Variants in ABCA12 observed in about 807,000 individuals in gnomAD.
The protein encoded by ABCA12 is ATP binding cassette subfamily A member 12.
A neutral mutation model predicts 293.5 loss-of-function variants in ABCA12; 156 were observed. The observed-to-expected ratio is 0.53, with a 90% confidence interval of 0.47 to 0.61. The LOEUF is 0.61. Ranked by LOEUF, ABCA12 falls within the 20% of genes least tolerant of loss-of-function variation. The probability of loss-of-function intolerance (pLI) is 0.00; values close to 1 mark genes in which losing one functional copy is unlikely to be tolerated. For synonymous variants in ABCA12, 1,063 were observed against 1,108.0 expected (o/e 0.96, Z 0.81); for missense variants, 2,797 against 3,090.2 (o/e 0.91, Z 2.25).
At chr2:215,129,394 C>T (rs930283896) in intron 1 of ABCA12, among the ~76,000 whole-genome samples, 5 of 152,126 alleles carry the variant, frequency 3.3e-5, no homozygotes, top group Non-Finnish European at 7.4e-5. Flanking sequence ...CCGCGGGCTC[C>T]ACTCTGACTT....
At chr2:214,934,748 A>G (rs1414579889) in intron 51 of ABCA12, among the ~76,000 whole-genome samples, 2 of 152,142 alleles carry the variant, frequency 1.3e-5, no homozygotes, top group African/African-American at 2.4e-5. Context: ...CAGTATCACC[A>G]TCTACTTAGT....
At chr2:214,972,337 T>C (rs1012469705) in intron 36 of ABCA12, among the ~76,000 whole-genome samples, 4 of 152,282 alleles carry the variant, frequency 2.6e-5, no homozygotes, top group East Asian at 1.9e-4. Flanking sequence ...TAGTTGGAAA[T>C]AGATTTAGGG....
rs537967870 is a variant in ABCA12, at chr2:215,116,192, T to G, written c.70-4502A>C. The stretch of plus-strand genomic sequence containing the variant: ...GTATGTGTATTATTTATTTTTTACT[T>G]TCTGGTTCCACAATTTGTTTCTGCC... On this transcript the variant is annotated intron_variant, in intron 1 of 52. Transcript: ENST00000272895. 2.0e-5 allele frequency among the ~76,000 whole-genome samples: 3 copies of G among 152,334 alleles called. No individual in the cohort carries two copies. In the South Asian group the frequency reaches 6.2e-4, roughly 32 times the overall value.
At chr2:215,120,453 T>C (rs1702782684) in intron 1 of ABCA12, among the ~76,000 whole-genome samples, 1 of 151,944 alleles carries the variant, frequency 6.6e-6, no homozygotes, top group Non-Finnish European at 1.5e-5. Flanking sequence ...AAGTAAAGAA[T>C]GCAAGAGAAA....
chr2:215,137,855 A>G (rs761479636), intron 1 of ABCA12, among the ~76,000 whole-genome samples: 36 of 151,064 alleles, frequency 2.4e-4, no homozygotes, highest in African/African-American at 5.3e-4. Context: ...CCAGAATTCA[A>G]CGTTCCAGTT....
At chr2:215,069,965 A>G (rs1701705281) in intron 2 of ABCA12, among the ~76,000 whole-genome samples, 1 of 152,240 alleles carries the variant, frequency 6.6e-6, no homozygotes, top group African/African-American at 2.4e-5. Flanking sequence ...ATAAATGGGT[A>G]GCTGTAGGAA....
intron 23 of ABCA12, among the ~76,000 whole-genome samples, chr2:214,997,278 G>A (rs1455134112): frequency 1.3e-5 from 2 of 152,294 alleles, no homozygotes; most frequent in Non-Finnish European, 2.9e-5. Context: ...TATGCCATAT[G>A]TCTATGTCTA....
intron 2 of ABCA12, among the ~76,000 whole-genome samples, chr2:215,091,460 G>C (rs1362886906): frequency 6.6e-6 from 1 of 152,150 alleles, no homozygotes; most frequent in East Asian, 1.9e-4. Context: ...TCCCAAATCA[G>C]TTAGTGTTTA....
chr2:214,977,880 C>CT (rs55902726), intron 33 of ABCA12, among the ~76,000 whole-genome samples: 8,331 of 140,188 alleles, frequency 0.059, 643 homozygotes, highest in African/African-American at 0.18. Flanking sequence ...CTTTTTTTTC[C>CT]TTTTTTTTTT....
intron 2 of ABCA12, among the ~76,000 whole-genome samples, chr2:215,066,620 T>C (rs1204886697): frequency 7.5e-6 from 1 of 132,570 alleles, no homozygotes; most frequent in Non-Finnish European, 1.7e-5. Context: ...GGAAAATTCA[T>C]CACAGAGTTT....
At chr2:215,010,310 A>G in intron 18 of ABCA12, 21 bp downstream of exon 18, 1 of 1,613,316 alleles carries the variant, frequency 6.2e-7, no homozygotes, top group Non-Finnish European at 8.5e-7. Context: ...CAAAATAGAA[A>G]CTGAGTTATA....
chr2:214,948,008 C>T (rs1698635584), intron 47 of ABCA12: 1 of 200,582 alleles, frequency 5.0e-6, no homozygotes, highest in African/African-American at 2.4e-5. Context: ...AACGTTAGCA[C>T]ATTAGGAATC....
At chr2:214,935,436 G>A (rs1698188706) in intron 51 of ABCA12, among the ~76,000 whole-genome samples, 1 of 152,182 alleles carries the variant, frequency 6.6e-6, no homozygotes, top group Admixed American at 6.5e-5. Flanking sequence ...ATTTGTGCAA[G>A]AAAGATGTCC....
At chr2:215,094,303 G>A (rs1702206192) in intron 2 of ABCA12, among the ~76,000 whole-genome samples, 1 of 152,256 alleles carries the variant, frequency 6.6e-6, no homozygotes, top group African/African-American at 2.4e-5. Flanking sequence ...GGCCATCAAA[G>A]GGCCTCAGAC....
At chr2:214,944,852 G>A (rs753511393) in intron 49 of ABCA12, 149 bp downstream of exon 49, 236 of 618,708 alleles carry the variant, frequency 3.8e-4, no homozygotes, top group Non-Finnish European at 5.7e-4. Context: ...ATATATTTGT[G>A]TGTATATATT....
chr2:215,097,570 A>G (rs1045642674), intron 2 of ABCA12, among the ~76,000 whole-genome samples: 3 of 152,188 alleles, frequency 2.0e-5, no homozygotes, highest in African/African-American at 7.2e-5. Flanking sequence ...TAACAAAAGC[A>G]GGGACTGGAA....
chr2:215,020,314 A>ACACACACG (rs1700600982), intron 11 of ABCA12, among the ~76,000 whole-genome samples: 1 of 151,886 alleles, frequency 6.6e-6, no homozygotes, highest in Non-Finnish European at 1.5e-5. Context: ...ACACACACAC[A>ACACACACG]GAGTGGTATA....
In ABCA12 at chr2:214,987,807, A is replaced by G; in HGVS notation, c.3830-14T>C. On this transcript the variant is annotated splice_polypyrimidine_tract_variant and intron_variant, in intron 26 of 52. Coordinates refer to ENST00000272895, the MANE Select transcript of ABCA12 (RefSeq NM_173076.3). The stretch of plus-strand genomic sequence containing the variant: ...TACCGTATGTCCCTGGAATAAAAAT[A>G]TATCAGGAACAGTGAGTTTTAGTTG... 6.2e-6 allele frequency: 10 copies of G among 1,612,560 alleles called. No homozygotes were observed. The highest frequency in any genetic ancestry group is 7.6e-6 in the Non-Finnish European group (9 of 1,179,258).
rs536151852 is a variant in ABCA12 at position 215,085,009 on chromosome 2, G to A, written c.164-20790C>T. Reference sequence around the variant, plus strand: ...CTTGGGAGGCTGAGGCAGAAGAGTGGCTCGACCCCAGGAGGCAGAGGTTGC... The same window carrying A: ...CTTGGGAGGCTGAGGCAGAAGAGTGACTCGACCCCAGGAGGCAGAGGTTGC... On this transcript the variant is annotated intron_variant, in intron 2 of 52. Transcript: ENST00000272895. Among the ~76,000 whole-genome samples, 23 of 149,696 alleles carry A rather than the reference G, an allele frequency of 1.5e-4. 1 individual carries two copies. Among genetic ancestry groups the A allele is most frequent in the South Asian group, 8.5e-4 (4 of 4,724 alleles).
Sources: gnomAD v4.1 joint callset for allele counts (sites outside exome capture counted in the v4.1 genomes callset) on GRCh38, gnomAD v4.1.1 for gene constraint, MANE v1.5 for transcripts, NCBI Gene and HGNC (gene_info 2026-07-23, HGNC 2026-07-21) for gene names.